The following ACYP2 variants were observed in gnomAD, a reference collection of about 807,000 sequenced individuals.
ACYP2 encodes acylphosphatase 2.
In ACYP2, 12 loss-of-function variants were observed where a neutral mutation model predicts 11.2. The observed-to-expected ratio is 1.08, with a 90% CI of 0.69 to 1.74. The LOEUF (loss-of-function observed/expected upper bound fraction) is 1.74. Among genes scored for constraint, ACYP2 ranks in the 40% most tolerant of loss-of-function variants. ACYP2 has a pLI of 0.00. For missense variants in ACYP2, 134 were observed against 101.9 expected, an observed-to-expected ratio of 1.31 and a Z score of -1.35; for synonymous variants, 43 against 32.2, an observed-to-expected ratio of 1.33 and a Z score of -1.13.
At chr2:54,193,478 C>T (rs1000413014) in intron 6 of ACYP2, among the ~76,000 whole-genome samples, 1 of 152,166 alleles carries the variant, frequency 6.6e-6, no homozygotes, top group Admixed American at 6.5e-5. Context: ...TACCCTCCAT[C>T]TGAATCAGGT....
chr2:54,254,918 G>A (rs1223274607), intron 6 of ACYP2: 26 of 1,607,804 alleles, frequency 1.6e-5, no homozygotes, highest in Non-Finnish European at 2.1e-5. Flanking sequence ...AAAGGCAAAG[G>A]TTAACCACAC....
intron 2 of ACYP2, among the ~76,000 whole-genome samples, chr2:54,001,705 T>C (rs1300999888): frequency 1.3e-5 from 2 of 152,362 alleles, no homozygotes; most frequent in East Asian, 1.9e-4. Flanking sequence ...AAAATACTTA[T>C]TTCTGCGTCC....
chr2:54,067,456 T>C (rs758779010), intron 4 of ACYP2, among the ~76,000 whole-genome samples: 10 of 152,294 alleles, frequency 6.6e-5, no homozygotes, highest in Non-Finnish European at 1.0e-4. Flanking sequence ...TAACACCATT[T>C]ATGGAAAAAA....
intron 6 of ACYP2, among the ~76,000 whole-genome samples, chr2:54,144,745 C>T (rs1425597738): frequency 1.3e-5 from 2 of 151,306 alleles, no homozygotes; most frequent in Non-Finnish European, 2.9e-5. Context: ...TCTTGTAGAA[C>T]TTCATTTTCT....
At chr2:54,128,664 C>G (rs1335961291) in intron 4 of ACYP2, among the ~76,000 whole-genome samples, 1 of 152,066 alleles carries the variant, frequency 6.6e-6, no homozygotes, top group Non-Finnish European at 1.5e-5. Context: ...GAGACCCCAT[C>G]TCTTTAAAAA....
chr2:54,078,363 T>C (rs918146936), intron 4 of ACYP2, among the ~76,000 whole-genome samples: 6 of 150,152 alleles, frequency 4.0e-5, no homozygotes, highest in African/African-American at 1.5e-4. Flanking sequence ...AAAAAAAAAG[T>C]AATAGCTTCC....
intron 6 of ACYP2, among the ~76,000 whole-genome samples, chr2:54,202,452 G>A (rs1259168828): frequency 7.6e-6 from 1 of 131,690 alleles, no homozygotes; most frequent in African/African-American, 2.9e-5. Context: ...CTGTCTCCCA[G>A]TCTGGAGTGC....
intron 4 of ACYP2, among the ~76,000 whole-genome samples, chr2:54,069,685 C>T (rs955042964): frequency 2.0e-5 from 3 of 151,840 alleles, no homozygotes; most frequent in Admixed American, 6.6e-5. Context: ...ACAAAAAAAA[C>T]AAAAACAAAA....
chr2:54,224,245 T>C (rs1319723201), intron 6 of ACYP2, among the ~76,000 whole-genome samples: 3 of 152,252 alleles, frequency 2.0e-5, no homozygotes, highest in Non-Finnish European at 2.9e-5. Context: ...TGGTATAGCT[T>C]GTACCTGTGT....
rs1397046114 is a variant in ACYP2, at chr2:53,972,360, A to G, written c.-37+1039A>G. Among the ~76,000 whole-genome samples, 3 of 150,922 alleles carry G rather than the reference A, an allele frequency of 2.0e-5. No individual in the cohort carries two copies. The East Asian group carries it at 5.8e-4, about 29-fold the overall frequency. ...GGTGGCTCACGCCTGTAATCCCAGC[A>G]CTTTGGGAGGCCGAGGCGGGTGGAT... On this transcript the variant is annotated intron_variant, in intron 1 of 6. Transcript: ENST00000607452.
intron 4 of ACYP2, among the ~76,000 whole-genome samples, chr2:54,067,952 A>G (rs1317348253): frequency 1.3e-5 from 2 of 152,234 alleles, no homozygotes; most frequent in South Asian, 4.1e-4. Context: ...TGCATAACCC[A>G]TAAGATTTAA....
At chr2:54,254,126 T>A (rs747267427) in intron 6 of ACYP2, 1 of 152,188 alleles carries the variant, frequency 6.6e-6, no homozygotes, top group Non-Finnish European at 1.5e-5. Context: ...ATATTAACCT[T>A]GCCATGAGGA....
intron 6 of ACYP2, among the ~76,000 whole-genome samples, chr2:54,203,898 G>A (rs1684958306): frequency 6.6e-6 from 1 of 151,326 alleles, no homozygotes; most frequent in African/African-American, 2.4e-5. Flanking sequence ...TATTAAGCTT[G>A]TCCAACCCAC....
intron 2 of ACYP2, among the ~76,000 whole-genome samples, chr2:53,999,395 C>G (rs1672705649): frequency 6.6e-6 from 1 of 152,098 alleles, no homozygotes; most frequent in Non-Finnish European, 1.5e-5. Context: ...AGGAAGGAGT[C>G]CCACTTAGTG....
chr2:54,190,426 C>T (rs1684193564), intron 6 of ACYP2, among the ~76,000 whole-genome samples: 1 of 152,090 alleles, frequency 6.6e-6, no homozygotes, highest in African/African-American at 2.4e-5. Flanking sequence ...CCCTTTCTCT[C>T]TCACTAATCC....
chr2:54,255,264 G>A, intron 6 of ACYP2: 2 of 1,614,186 alleles, frequency 1.2e-6, no homozygotes, highest in Non-Finnish European at 1.7e-6. Context: ...TTTGAAAGAA[G>A]AACTTAAACT....
chr2:54,168,797 T>C (rs144357173), intron 6 of ACYP2, among the ~76,000 whole-genome samples: 3 of 152,320 alleles, frequency 2.0e-5, no homozygotes, highest in Non-Finnish European at 2.9e-5. Flanking sequence ...GGGTGTATTA[T>C]AGATAACACA....
chr2:54,055,079 C>A (rs1202240653), intron 3 of ACYP2, among the ~76,000 whole-genome samples: 9 of 152,110 alleles, frequency 5.9e-5, no homozygotes, highest in African/African-American at 2.2e-4. Flanking sequence ...CTCTGTCAAC[C>A]GGGCTAGAGT....
chr2:54,043,627 A>G (rs1279666840), intron 2 of ACYP2, among the ~76,000 whole-genome samples: 2 of 152,202 alleles, frequency 1.3e-5, no homozygotes, highest in Non-Finnish European at 2.9e-5. Context: ...ATTAGATTAT[A>G]TGATATATGA....
Sources: allele counts gnomAD v4.1 joint callset (sites outside exome capture counted in the v4.1 genomes callset), GRCh38; gene constraint gnomAD v4.1.1; transcripts MANE v1.5; gene names NCBI Gene and HGNC (gene_info 2026-07-23, HGNC 2026-07-21).